FAM53B: variants seen among roughly 807,000 people sequenced by gnomAD.
The protein encoded by FAM53B is family with sequence similarity 53 member B, also known as protein FAM53B.
A neutral mutation model predicts 32.7 loss-of-function variants in FAM53B; 12 were observed. The observed-to-expected ratio is 0.37, with a 90% CI of 0.24 to 0.59. The LOEUF (loss-of-function observed/expected upper bound fraction) is 0.59, where lower values mean the gene tolerates loss of function less well. Ranked by LOEUF, FAM53B falls within the 20% of genes least tolerant of loss-of-function variation. FAM53B has a pLI of 0.72. For missense variants in FAM53B, 477 were observed against 577.7 expected, an observed-to-expected ratio of 0.83 and a Z score of 1.79; for synonymous variants, 234 against 228.7, an observed-to-expected ratio of 1.02 and a Z score of -0.21.
intron 4 of FAM53B, among the ~76,000 whole-genome samples, chr10:124,627,226 G>A (rs1175876938): frequency 6.6e-6 from 1 of 152,112 alleles, no homozygotes; most frequent in South Asian, 2.1e-4. Flanking sequence ...CATCCCTCGT[G>A]AGCAACCCCC....
intron 4 of FAM53B, among the ~76,000 whole-genome samples, chr10:124,662,049 A>G (rs1475716387): frequency 6.6e-5 from 10 of 152,184 alleles, no homozygotes; most frequent in Non-Finnish European, 1.5e-5. Context: ...CCATGACTCT[A>G]GCCCTCACTG....
chr10:124,680,943 T>C (rs1446196687), intron 4 of FAM53B, among the ~76,000 whole-genome samples: 3 of 152,108 alleles, frequency 2.0e-5, no homozygotes, highest in African/African-American at 4.8e-5. Flanking sequence ...TCCAAGTTCA[T>C]CTCATTCAAA....
chr10:124,702,929 C>T (rs1304110719), intron 2 of FAM53B, among the ~76,000 whole-genome samples: 1 of 152,154 alleles, frequency 6.6e-6, no homozygotes, highest in Non-Finnish European at 1.5e-5. Flanking sequence ...ACAGGTCTGG[C>T]ACCTCCTCCC....
intron 4 of FAM53B, among the ~76,000 whole-genome samples, chr10:124,641,388 C>G (rs1949471899): frequency 6.6e-6 from 1 of 152,232 alleles, no homozygotes; most frequent in Admixed American, 6.5e-5. Context: ...AGGGCCCCAG[C>G]CTCTGGCTGA....
chr10:124,671,298 T>C (rs1162116196), intron 4 of FAM53B: 2 of 424,624 alleles, frequency 4.7e-6, no homozygotes, highest in Non-Finnish European at 9.9e-6. Context: ...GCCCCAGCCC[T>C]GTGCGGCCAA....
chr10:124,634,700 AACGTGAGGACGCACT>A (rs1330894632), intron 4 of FAM53B, among the ~76,000 whole-genome samples: 2 of 152,222 alleles, frequency 1.3e-5, no homozygotes, highest in Non-Finnish European at 2.9e-5. Flanking sequence ...TCCTTATGGC[AACGTGAGGACGCACT>A]AATACACCCA....
intron 1 of FAM53B, among the ~76,000 whole-genome samples, chr10:124,722,228 G>C (rs958628126): frequency 2.6e-5 from 4 of 152,170 alleles, no homozygotes; most frequent in Admixed American, 6.5e-5. Context: ...TTGAGATGTT[G>C]GAAATGCTAA....
At chr10:124,685,741 C>T (rs1241472358) in intron 3 of FAM53B, among the ~76,000 whole-genome samples, 1 of 152,170 alleles carries the variant, frequency 6.6e-6, no homozygotes. Flanking sequence ...AATCGGGAGC[C>T]AGCTAAATAG....
chr10:124,623,557 C>T lies in FAM53B; in HGVS notation c.954G>A (p.Glu318=). 6.3e-7 allele frequency: 1 copy of T among 1,598,086 alleles called. No homozygotes were observed. The highest frequency in any genetic ancestry group is 8.5e-7 in the Non-Finnish European group (1 of 1,173,700). Residue 318 remains glutamate (E), a synonymous_variant, in exon 5 of 5, where the codon GAG becomes GAA. Transcript: ENST00000337318. ...CGAAGGGGCTCTGGGGACCGCAGTC[C>T]TCTGTCCCTGCGCTCAGGCAGCTGA... ...SSLSCLSAGT[E]DCGPQSPFAR... is the part of the protein sequence containing the mutation.
Position 124,623,522 on chromosome 10 carries a change from A to C in FAM53B, c.989T>G (p.Val330Gly). ...CGPQSPFARHVSNTRAWTALL... is the reference protein window; with the variant it reads ...CGPQSPFARHGSNTRAWTALL... ...GGCGGTCCAGGCCCTGGTGTTGCTG[A>C]CGTGGCGGGCGAAGGGGCTCTGGGG... Residue 330 changes from valine to glycine, a missense_variant, in exon 5 of 5, where the codon GTC becomes GGC. This residue lies in a region of FAM53B where 165 missense variants were observed against 157.5 expected (regional missense o/e 1.05). Coordinates refer to ENST00000337318, the MANE Select transcript of FAM53B (RefSeq NM_014661.4). 1.3e-6 allele frequency: 2 copies of C among 1,549,694 alleles called. No individual in the cohort carries two copies. The highest frequency in any genetic ancestry group is 1.7e-6 in the Non-Finnish European group (2 of 1,148,538).
intron 1 of FAM53B, among the ~76,000 whole-genome samples, chr10:124,712,151 TC>T (rs1200991297): frequency 6.6e-6 from 1 of 152,062 alleles, no homozygotes; most frequent in Non-Finnish European, 1.5e-5. Flanking sequence ...AGTCAGGAGT[TC>T]AAGACCAGCC....
intron 1 of FAM53B, among the ~76,000 whole-genome samples, chr10:124,716,405 G>A (rs1482932010): frequency 6.6e-6 from 1 of 152,146 alleles, no homozygotes; most frequent in East Asian, 1.9e-4. Context: ...GAACCAAATC[G>A]GAACTCTGTT....
chr10:124,628,450 GGA>G (rs1189736623), intron 4 of FAM53B, among the ~76,000 whole-genome samples: 2 of 152,218 alleles, frequency 1.3e-5, no homozygotes, highest in Non-Finnish European at 2.9e-5. Context: ...GTTCCGGAGA[GGA>G]GAGTGGGAAA....
intron 4 of FAM53B, among the ~76,000 whole-genome samples, chr10:124,636,906 T>C (rs1056542914): frequency 1.3e-5 from 2 of 150,912 alleles, no homozygotes; most frequent in African/African-American, 4.9e-5. Flanking sequence ...AGAGGCGGAG[T>C]TCCCAGAGTC....
At position 124,674,694 on chromosome 10, in the gene FAM53B, A is replaced by G. The variant is rs117013335; in HGVS notation, c.906+6913T>C. On this transcript the variant is annotated intron_variant, in intron 4 of 4. Transcript: ENST00000337318. ...CAAAGGGGCAAGAGCCAGCTGACCC[A>G]CAAGCCTTTCTTACTCTGGCTTCCA... Among the ~76,000 whole-genome samples, 1,489 of 152,348 alleles carry G rather than the reference A, an allele frequency of 9.8e-3. 13 individuals carry two copies. The highest frequency in any genetic ancestry group is 0.016 in the Non-Finnish European group (1,060 of 68,024).
intron 4 of FAM53B, among the ~76,000 whole-genome samples, chr10:124,647,739 C>T (rs1319800332): frequency 6.6e-6 from 1 of 152,154 alleles, no homozygotes; most frequent in Non-Finnish European, 1.5e-5. Flanking sequence ...CCCCAGGGCA[C>T]CTCACTGAAG....
At chr10:124,690,725 T>C (rs1343478453) in intron 3 of FAM53B, among the ~76,000 whole-genome samples, 1 of 152,202 alleles carries the variant, frequency 6.6e-6, no homozygotes, top group African/African-American at 2.4e-5. Flanking sequence ...CAAACTATTT[T>C]AGAGATTTTT....
intron 4 of FAM53B, among the ~76,000 whole-genome samples, chr10:124,648,655 AC>A (rs1372920299): frequency 1.3e-5 from 2 of 152,394 alleles, no homozygotes; most frequent in South Asian, 2.1e-4. Context: ...GCGTGCACCA[AC>A]AAGCCCCTAA....
chr10:124,737,896 G>C (rs1225280661), intron 1 of FAM53B, among the ~76,000 whole-genome samples: 1 of 152,076 alleles, frequency 6.6e-6, no homozygotes, highest in Non-Finnish European at 1.5e-5. Flanking sequence ...AAGACCACTA[G>C]GACTGTGGGG....
Sources: allele counts gnomAD v4.1 joint callset (sites outside exome capture counted in the v4.1 genomes callset), GRCh38; gene constraint gnomAD v4.1.1; regional missense constraint gnomAD v4.1.1; transcripts MANE v1.5; gene names NCBI Gene and HGNC (gene_info 2026-07-23, HGNC 2026-07-21).